Variants in KCNH7 observed in about 807,000 individuals in gnomAD.
The protein encoded by KCNH7 is voltage-gated inwardly rectifying potassium channel KCNH7.
In KCNH7, 49 loss-of-function variants were observed where a neutral mutation model predicts 120.8. That is an observed-to-expected ratio of 0.41 (90% CI 0.32 to 0.51). The LOEUF is 0.51. KCNH7 is among the 20% of genes least tolerant of loss of function. The pLI, the probability that KCNH7 is intolerant of heterozygous loss-of-function variation, is 0.38. For synonymous variants in KCNH7, 547 were observed against 516.1 expected (o/e 1.06, Z -0.81); for missense variants, 1,097 against 1,446.6 (o/e 0.76, Z 3.92).
chr2:162,669,601 A>C (rs1435013), intron 2 of KCNH7, among the ~76,000 whole-genome samples: 24,179 of 152,154 alleles, frequency 0.16, 2,258 homozygotes, highest in East Asian at 0.46. Flanking sequence ...TTTGGTACCC[A>C]TATTTGCACC....
chr2:162,597,219 A>G (rs1345078732), intron 2 of KCNH7, among the ~76,000 whole-genome samples: 1 of 152,076 alleles, frequency 6.6e-6, no homozygotes, highest in Non-Finnish European at 1.5e-5. Flanking sequence ...ATTGAAATCG[A>G]TATACCGTAG....
intron 7 of KCNH7, among the ~76,000 whole-genome samples, chr2:162,440,644 T>C (rs1474905870): frequency 6.6e-6 from 1 of 152,092 alleles, no homozygotes; most frequent in Non-Finnish European, 1.5e-5. Context: ...TAGATTGTAA[T>C]TTATTTATAT....
At chr2:162,602,714 C>T (rs1694597720) in intron 2 of KCNH7, among the ~76,000 whole-genome samples, 1 of 151,920 alleles carries the variant, frequency 6.6e-6, no homozygotes, top group South Asian at 2.1e-4. Context: ...TTTATAACTC[C>T]TATGATCATT....
Position 162,509,089 on chromosome 2 carries a change from T to C in KCNH7, c.913+3565A>G, listed in dbSNP as rs141619142. On this transcript the variant is annotated intron_variant, in intron 5 of 15. Coordinates refer to ENST00000332142, the MANE Select transcript of KCNH7 (RefSeq NM_033272.4). ...AGAGTGCTTTAATATATTTCAAGGG[T>C]CTGATTAAACATAAAGTAGGCCAAT... Among the ~76,000 whole-genome samples the C allele has an allele frequency of 5.3e-3, 800 of 151,428 alleles. 12 individuals are homozygous for C. The highest frequency in any genetic ancestry group is 0.018 in the African/African-American group (757 of 41,428).
At chr2:162,771,723 T>C (rs1371198833) in intron 2 of KCNH7, among the ~76,000 whole-genome samples, 5 of 152,224 alleles carry the variant, frequency 3.3e-5, no homozygotes, top group African/African-American at 9.6e-5. Flanking sequence ...GAGTGAAAGT[T>C]GGATTTTTTT....
chr2:162,715,991 C>T (rs147409843), intron 2 of KCNH7, among the ~76,000 whole-genome samples: 76 of 150,390 alleles, frequency 5.1e-4, no homozygotes, highest in Non-Finnish European at 8.9e-4. Context: ...CACCACACTT[C>T]GGAAGGTCCT....
At chr2:162,720,520 G>C (rs1396143321) in intron 2 of KCNH7, among the ~76,000 whole-genome samples, 1 of 151,930 alleles carries the variant, frequency 6.6e-6, no homozygotes, top group Non-Finnish European at 1.5e-5. Context: ...TTATACATAT[G>C]CAGGTTTACT....
chr2:162,483,803 G>A (rs1161203240), intron 6 of KCNH7, among the ~76,000 whole-genome samples: 1 of 152,052 alleles, frequency 6.6e-6, no homozygotes, highest in Non-Finnish European at 1.5e-5. Flanking sequence ...AACTAGTTAT[G>A]AAAACTCACT....
chr2:162,515,843 G>T (rs981564931), intron 4 of KCNH7, among the ~76,000 whole-genome samples: 4 of 151,328 alleles, frequency 2.6e-5, no homozygotes, highest in Non-Finnish European at 5.9e-5. Flanking sequence ...AATTGCTCTT[G>T]TATCTTTTTC....
rs778936290 is a variant in KCNH7 at position 162,384,711 on chromosome 2, T to G, written c.2939A>C (p.Asp980Ala). The G allele has an allele frequency of 1.9e-6, 3 of 1,612,448 alleles. No individual in the cohort carries two copies. The African/African-American group carries it at 4.0e-5, about 22-fold the overall frequency. Reference protein sequence around the residue: ...TVPTSGRMHIDKRSHSCKDIT... With the variant: ...TVPTSGRMHIAKRSHSCKDIT... ...ACCTTTGCAAGAGTGACTTCTTTTATCTATGTGCATTCTTCCTGAGGTGGG... is the reference window on the plus strand; with the variant it reads ...ACCTTTGCAAGAGTGACTTCTTTTAGCTATGTGCATTCTTCCTGAGGTGGG... The change falls in exon 13 of 16, where the codon GAT becomes GCT. Residue 980 changes from aspartate (D) to alanine (A), a missense_variant. Coordinates refer to ENST00000332142, the MANE Select transcript of KCNH7 (RefSeq NM_033272.4).
chr2:162,379,957 T>C lies in KCNH7; in HGVS notation c.3027A>G (p.Pro1009=). 2 of 1,614,060 alleles carry C rather than the reference T, an allele frequency of 1.2e-6. No individual in the cohort carries two copies. The highest frequency in any genetic ancestry group is 8.5e-7 in the Non-Finnish European group (1 of 1,179,946). ...CCCAGGCAGCTCGCTGAAGTGCAGA[T>C]GGACTGGAGTCTTCAGGCTGGGGAT... ...NAHPQPEDSS[P]SALQRAAWGI... Residue 1009 remains proline, a synonymous_variant, in exon 14 of 16, where the codon CCA becomes CCG. Transcript: ENST00000332142.
chr2:162,477,851 T>C (rs1689800172), intron 6 of KCNH7, among the ~76,000 whole-genome samples: 1 of 151,818 alleles, frequency 6.6e-6, no homozygotes, highest in South Asian at 2.1e-4. Flanking sequence ...CATCCATCCA[T>C]CCATCCATTT....
intron 2 of KCNH7, among the ~76,000 whole-genome samples, chr2:162,694,403 C>G (rs1023291963): frequency 1.1e-4 from 16 of 152,044 alleles, no homozygotes; most frequent in African/African-American, 3.9e-4. Flanking sequence ...GGCAGACAGG[C>G]AGTGGGCATT....
chr2:162,567,297 CT>C (rs916297548), intron 2 of KCNH7, among the ~76,000 whole-genome samples: 2 of 151,984 alleles, frequency 1.3e-5, no homozygotes, highest in Non-Finnish European at 2.9e-5. Flanking sequence ...TTTTTACTCT[CT>C]TTTCTTCCTG....
chr2:162,811,861 T>A (rs568867006), intron 2 of KCNH7, among the ~76,000 whole-genome samples: 7 of 152,274 alleles, frequency 4.6e-5, no homozygotes, highest in African/African-American at 1.7e-4. Context: ...AGGCGTAGAC[T>A]CTTCTGAACA....
intron 2 of KCNH7, among the ~76,000 whole-genome samples, chr2:162,638,501 AAAC>A (rs1278324748): frequency 1.3e-4 from 20 of 151,296 alleles, no homozygotes; most frequent in African/African-American, 4.7e-4. Context: ...CCTTACTGAT[AAAC>A]AACATGTCAC....
chr2:162,568,514 A>G (rs1693338137), intron 2 of KCNH7, among the ~76,000 whole-genome samples: 1 of 152,032 alleles, frequency 6.6e-6, no homozygotes, highest in Admixed American at 6.6e-5. Context: ...AATTTGTACA[A>G]TTTTTATTTC....
chr2:162,514,785 T>C (rs1185092389), intron 4 of KCNH7, among the ~76,000 whole-genome samples: 1 of 151,824 alleles, frequency 6.6e-6, no homozygotes, highest in African/African-American at 2.4e-5. Context: ...TTGAAAAGTA[T>C]GGTTCTAAGG....
chr2:162,527,539 T>C (rs948927934), intron 3 of KCNH7, among the ~76,000 whole-genome samples: 3 of 152,030 alleles, frequency 2.0e-5, no homozygotes, highest in African/African-American at 7.2e-5. Flanking sequence ...GGCAAATGTG[T>C]ATTTTATGTG....
Sources: gnomAD v4.1 joint callset for allele counts (sites outside exome capture counted in the v4.1 genomes callset) on GRCh38, gnomAD v4.1.1 for gene constraint, MANE v1.5 for transcripts, NCBI Gene and HGNC (gene_info 2026-07-23, HGNC 2026-07-21) for gene names.